Variants in PREX2 observed in about 807,000 individuals in gnomAD.
PREX2 encodes the protein phosphatidylinositol-3,4,5-trisphosphate dependent Rac exchange factor 2.
Under a neutral mutation model 203.2 loss-of-function variants are expected in PREX2, and 107 were observed. The observed-to-expected ratio is 0.53, with a 90% confidence interval of 0.45 to 0.62. The LOEUF (loss-of-function observed/expected upper bound fraction) is 0.62. PREX2 is among the 20% of genes least tolerant of loss of function. The probability of loss-of-function intolerance (pLI) is 0.00; values close to 1 mark genes in which losing one functional copy is unlikely to be tolerated. For missense variants in PREX2, 1,777 were observed against 1,955.9 expected, an observed-to-expected ratio of 0.91 and a Z score of 1.72; for synonymous variants, 672 against 663.6, an observed-to-expected ratio of 1.01 and a Z score of -0.19.
intron 1 of PREX2, among the ~76,000 whole-genome samples, chr8:67,996,357 G>A (rs1806765784): frequency 6.7e-6 from 1 of 149,538 alleles, no homozygotes; most frequent in African/African-American, 2.4e-5. Context: ...CACCATGCCT[G>A]GCTAATTTTT....
At chr8:68,209,680 A>G (rs543442420) in intron 37 of PREX2, among the ~76,000 whole-genome samples, 1 of 152,162 alleles carries the variant, frequency 6.6e-6, no homozygotes. Flanking sequence ...GATTTCCCCA[A>G]TTCTACATTG....
chr8:68,154,830 C>T (rs1811509035), intron 34 of PREX2, among the ~76,000 whole-genome samples: 1 of 152,046 alleles, frequency 6.6e-6, no homozygotes, highest in South Asian at 2.1e-4. Flanking sequence ...GAGTGATTAC[C>T]CAATAATTCA....
At position 68,097,220 on chromosome 8, in the gene PREX2, A is replaced by G; in HGVS notation, c.2553+19A>G. 2 of 1,579,044 alleles carry G rather than the reference A, an allele frequency of 1.3e-6. No individual in the cohort carries two copies. Among genetic ancestry groups the G allele is most frequent in the Non-Finnish European group, 1.7e-6 (2 of 1,161,508 alleles). ...TGCCAAGGTAGGAGCGATGCTGAAG[A>G]AATAAGATTTTTTGTTCTAAATAAA... On this transcript the variant is annotated intron_variant, in intron 22 of 39. Transcript: ENST00000288368.
intron 33 of PREX2, among the ~76,000 whole-genome samples, chr8:68,141,728 G>A (rs1027899693): frequency 5.9e-5 from 9 of 152,054 alleles, no homozygotes; most frequent in Admixed American, 1.3e-4. Context: ...TGAAACTCAC[G>A]GGCCCATTCA....
At chr8:68,219,267 G>A (rs368414768) in intron 38 of PREX2, among the ~76,000 whole-genome samples, 4 of 151,908 alleles carry the variant, frequency 2.6e-5, no homozygotes, top group South Asian at 2.1e-4. Context: ...TATCAAATAC[G>A]TTAACTTCTT....
At chr8:68,141,453 C>T (rs1811228471) in intron 33 of PREX2, among the ~76,000 whole-genome samples, 1 of 151,798 alleles carries the variant, frequency 6.6e-6, no homozygotes, top group Non-Finnish European at 1.5e-5. Context: ...AATTAGGAAT[C>T]AATAATGAAT....
chr8:68,060,895 A>C, intron 11 of PREX2, 116 bp downstream of exon 11: 1 of 704,812 alleles, frequency 1.4e-6, no homozygotes, highest in Non-Finnish European at 2.3e-6. Context: ...GTTGTTTTTA[A>C]CAATATTTTC....
At chr8:68,164,067 G>C (rs1811706063) in intron 35 of PREX2, among the ~76,000 whole-genome samples, 1 of 152,112 alleles carries the variant, frequency 6.6e-6, no homozygotes, top group Admixed American at 6.6e-5. Context: ...GACTTTACAG[G>C]AAGACAGATG....
chr8:68,023,118 A>G (rs1807617976), intron 4 of PREX2, among the ~76,000 whole-genome samples: 2 of 152,142 alleles, frequency 1.3e-5, no homozygotes, highest in Admixed American at 1.3e-4. Context: ...GAATGGACCT[A>G]ATGTTTTTAT....
rs374727819 is a variant in PREX2 at position 67,952,384 on chromosome 8, C to G, written c.-11C>G. On this transcript the variant is annotated 5_prime_UTR_variant, in exon 1 of 40. Transcript: ENST00000288368. ...CGGCGGGCAGCGCCGCGCTGCGCAC[C>G]GCCGCCGACCATGAGCGAGGACAGC... 6,171 of 1,527,592 alleles carry G rather than the reference C, an allele frequency of 4.0e-3. 14 individuals are homozygous for G. Among genetic ancestry groups the G allele is most frequent in the Non-Finnish European group, 4.9e-3 (5,630 of 1,138,688 alleles). The allele number at this position is 1,527,592 out of a possible 1,614,324, so 94.6% of individuals were successfully genotyped here.
chr8:67,961,850 G>A (rs543284613), intron 1 of PREX2, among the ~76,000 whole-genome samples: 5 of 152,108 alleles, frequency 3.3e-5, no homozygotes, highest in South Asian at 2.1e-4. Flanking sequence ...TATTTTGCTC[G>A]AGAGTATCTT....
intron 1 of PREX2, among the ~76,000 whole-genome samples, chr8:68,017,636 C>A (rs887667080): frequency 1.3e-5 from 2 of 152,212 alleles, no homozygotes; most frequent in African/African-American, 4.8e-5. Context: ...TTGATGATTT[C>A]TGGCTCTACC....
intron 35 of PREX2, among the ~76,000 whole-genome samples, chr8:68,174,157 A>G (rs1811934898): frequency 1.3e-5 from 2 of 152,088 alleles, no homozygotes; most frequent in African/African-American, 4.8e-5. Context: ...TTGTGGATGT[A>G]CCATGCAGGT....
chr8:67,981,346 C>T (rs932317668), intron 1 of PREX2, among the ~76,000 whole-genome samples: 1 of 152,014 alleles, frequency 6.6e-6, no homozygotes, highest in Non-Finnish European at 1.5e-5. Flanking sequence ...AAAGAATGGC[C>T]AGAGGAAGGA....
chr8:68,016,412 T>A, intron 1 of PREX2, among the ~76,000 whole-genome samples: 1 of 152,180 alleles, frequency 6.6e-6, no homozygotes, highest in East Asian at 1.9e-4. Flanking sequence ...TTACATTCCA[T>A]TTATGGTTGC....
intron 11 of PREX2, among the ~76,000 whole-genome samples, chr8:68,065,639 T>C (rs1808995591): frequency 6.6e-6 from 1 of 152,222 alleles, no homozygotes; most frequent in South Asian, 2.1e-4. Flanking sequence ...GACAACTTTC[T>C]TTCCTCTTTC....
At chr8:68,094,418 T>G (rs1227164032) in intron 21 of PREX2, among the ~76,000 whole-genome samples, 1 of 152,206 alleles carries the variant, frequency 6.6e-6, no homozygotes, top group African/African-American at 2.4e-5. Flanking sequence ...TCATTTCTGT[T>G]TCCTCAATGG....
At chr8:68,070,715 G>A (rs1020544052) in intron 13 of PREX2, among the ~76,000 whole-genome samples, 2 of 152,102 alleles carry the variant, frequency 1.3e-5, no homozygotes, top group Non-Finnish European at 2.9e-5. Context: ...CAAATGTTTA[G>A]TGTTTCTATT....
At chr8:68,177,659 C>T (rs904124152) in intron 35 of PREX2, among the ~76,000 whole-genome samples, 4 of 152,130 alleles carry the variant, frequency 2.6e-5, no homozygotes, top group African/African-American at 9.7e-5. Context: ...TTCTGGGATA[C>T]ATGTGCAGGA....
Sources: gnomAD v4.1 joint callset for allele counts (sites outside exome capture counted in the v4.1 genomes callset) on GRCh38, gnomAD v4.1.1 for gene constraint, MANE v1.5 for transcripts, NCBI Gene and HGNC (gene_info 2026-07-23, HGNC 2026-07-21) for gene names.